The following NDUFAF6 variants were observed in gnomAD, a reference collection of about 807,000 sequenced individuals.
The protein encoded by NDUFAF6 is NADH dehydrogenase (ubiquinone) complex I, assembly factor 6.
In NDUFAF6, 45 loss-of-function variants were observed where a neutral mutation model predicts 40.8. That is an observed-to-expected ratio of 1.10 (90% CI 0.87 to 1.42). The LOEUF is 1.42. NDUFAF6 is among the 40% of genes most tolerant of loss of function. NDUFAF6 has a pLI of 0.00. For synonymous variants in NDUFAF6, 185 were observed against 155.9 expected (o/e 1.19, Z -1.39); for missense variants, 435 against 418.5 (o/e 1.04, Z -0.34).
At chr8:95,011,509 C>T (rs1827226003) in intron 2 of NDUFAF6, among the ~76,000 whole-genome samples, 1 of 152,104 alleles carries the variant, frequency 6.6e-6, no homozygotes, top group African/African-American at 2.4e-5. Flanking sequence ...AATAACTGGG[C>T]ATGGTAAGAA....
chr8:95,096,492 T>C, upstream of NDUFAF6, among the ~76,000 whole-genome samples: 1 of 152,176 alleles, frequency 6.6e-6, no homozygotes, highest in East Asian at 1.9e-4. Flanking sequence ...CCTTAGTTAA[T>C]ACAGCAAGAA....
At chr8:95,110,817 T>C (rs1434465225) in intron 4 of NDUFAF6, among the ~76,000 whole-genome samples, 1 of 152,246 alleles carries the variant, frequency 6.6e-6, no homozygotes, top group African/African-American at 2.4e-5. Context: ...AAGGTGTTAT[T>C]GGATAATGTC....
intron 2 of NDUFAF6, among the ~76,000 whole-genome samples, chr8:94,987,057 T>G (rs1825947789): frequency 6.6e-6 from 1 of 152,258 alleles, no homozygotes; most frequent in Non-Finnish European, 1.5e-5. Context: ...ACTGATATCC[T>G]TGAATCCCCA....
chr8:95,091,805 TA>T (rs1324041367), intron 2 of NDUFAF6, among the ~76,000 whole-genome samples: 1 of 65,344 alleles, frequency 1.5e-5, no homozygotes, highest in East Asian at 1.0e-3. Flanking sequence ...TGCCCCTGGC[TA>T]ATTTTTTTTT....
Position 94,946,696 on chromosome 8 carries a change from C to CAAAAAA in NDUFAF6, c.-799+1096_-799+1101dup, listed in dbSNP as rs71273438. Reference sequence around the variant, plus strand: ...TGGTCAACAGAGTAAGACCCTGTCTCAAAAAAAAAAAAAAAAAAAAAAAAG... The same window carrying CAAAAAA: ...TGGTCAACAGAGTAAGACCCTGTCTCAAAAAAAAAAAAAAAAAAAAAAAAAAAAAAG... On this transcript the variant is annotated intron_variant, in intron 2 of 14. Transcript: ENST00000396113. Among the ~76,000 whole-genome samples, 233 of 34,664 alleles carry CAAAAAA rather than the reference C, an allele frequency of 6.7e-3. 34 individuals are homozygous for CAAAAAA. The highest frequency in any genetic ancestry group is 0.058 in the Middle Eastern group (3 of 52). 22.7% of individuals were successfully genotyped at this position (34,664 alleles called of 152,430 possible). A position where few individuals can be genotyped will look rare whatever the true frequency, so the allele number is the denominator to read the frequency against.
At chr8:95,016,892 C>T (rs539549722) in intron 2 of NDUFAF6, among the ~76,000 whole-genome samples, 188 of 151,030 alleles carry the variant, frequency 1.2e-3, no homozygotes, top group African/African-American at 4.3e-3. Flanking sequence ...GCATCTGGTG[C>T]CTCCTCCTCC....
chr8:94,925,557 T>C (rs1285884620), intron 1 of NDUFAF6, among the ~76,000 whole-genome samples: 1 of 151,320 alleles, frequency 6.6e-6, no homozygotes, highest in Non-Finnish European at 1.5e-5. Flanking sequence ...TCCTTTTTTT[T>C]TTTTTTTTTT....
upstream of NDUFAF6, among the ~76,000 whole-genome samples, chr8:94,957,075 G>A (rs182416346): frequency 3.9e-3 from 587 of 152,268 alleles, 5 homozygotes; most frequent in African/African-American, 0.014. Flanking sequence ...GGGAGGCTGA[G>A]GCAGGAGAAT....
chr8:94,910,966 A>G (rs1818743427), intron 1 of NDUFAF6, among the ~76,000 whole-genome samples: 2 of 152,252 alleles, frequency 1.3e-5, no homozygotes, highest in African/African-American at 2.4e-5. Flanking sequence ...TTCGTAAGTG[A>G]TAAACATTGC....
chr8:95,051,488 G>A (rs1365542777), intron 7 of NDUFAF6, among the ~76,000 whole-genome samples: 1 of 152,152 alleles, frequency 6.6e-6, no homozygotes, highest in East Asian at 1.9e-4. Flanking sequence ...AAGTAAGTCA[G>A]GAAGTAGAGG....
intron 1 of NDUFAF6, among the ~76,000 whole-genome samples, chr8:94,965,130 T>C (rs1823905462): frequency 6.6e-6 from 1 of 152,190 alleles, no homozygotes; most frequent in Admixed American, 6.5e-5. Flanking sequence ...CAGTCGGCCC[T>C]GAGGCTGAGA....
At chr8:94,966,534 C>T (rs868210805) in intron 1 of NDUFAF6, among the ~76,000 whole-genome samples, 9 of 152,150 alleles carry the variant, frequency 5.9e-5, no homozygotes, top group African/African-American at 1.9e-4. Context: ...TTTGAGGCTA[C>T]AGTGAGCTGT....
chr8:95,058,431 T>C lies in NDUFAF6; in HGVS notation c.*494T>C. 8.1e-7 allele frequency: 1 copy of C among 1,232,178 alleles called. No homozygotes were observed. The highest frequency in any genetic ancestry group is 1.0e-6 in the Non-Finnish European group (1 of 988,310). The allele number at this position is 1,232,178 out of a possible 1,614,324, so 76.3% of individuals were successfully genotyped here. On this transcript the variant is annotated 3_prime_UTR_variant, in exon 9 of 9. Transcript: ENST00000396124. ...TTTGAGGAATATCAGTCACGTGTTG[T>C]GGGCTTTTATCCTTAACGTTTAATT...
downstream of NDUFAF6, among the ~76,000 whole-genome samples, chr8:95,116,653 AC>A (rs1471234111): frequency 6.6e-6 from 1 of 152,156 alleles, no homozygotes; most frequent in African/African-American, 2.4e-5. Context: ...GCCCAGCCTA[AC>A]CACATTGAAG....
downstream of NDUFAF6, among the ~76,000 whole-genome samples, chr8:95,105,683 A>G (rs1237852477): frequency 6.6e-6 from 1 of 151,856 alleles, no homozygotes; most frequent in African/African-American, 2.4e-5. Context: ...TTGTATTTTT[A>G]CTAGAGACGG....
chr8:95,098,625 G>A (rs1809549280), upstream of NDUFAF6, among the ~76,000 whole-genome samples: 3 of 152,166 alleles, frequency 2.0e-5, no homozygotes, highest in South Asian at 6.2e-4. Context: ...AGCCGAGATC[G>A]CACCACTGCA....
chr8:95,091,680 C>G (rs190700458), intron 2 of NDUFAF6, among the ~76,000 whole-genome samples: 1 of 151,702 alleles, frequency 6.6e-6, no homozygotes, highest in Non-Finnish European at 1.5e-5. Flanking sequence ...GAGTCCTGCA[C>G]CCATGCTGGA....
At chr8:95,018,205 A>ATTTTTT (rs34118633) in intron 2 of NDUFAF6, among the ~76,000 whole-genome samples, 1 of 145,118 alleles carries the variant, frequency 6.9e-6, no homozygotes, top group Non-Finnish European at 1.5e-5. Flanking sequence ...ATGCTTGGCT[A>ATTTTTT]TTTTTTTTTT....
chr8:94,964,214 G>A (rs1385061362), intron 1 of NDUFAF6, among the ~76,000 whole-genome samples: 1 of 152,158 alleles, frequency 6.6e-6, no homozygotes, highest in African/African-American at 2.4e-5. Flanking sequence ...GACCCCTTGA[G>A]CCTAGGAGTT....
Sources: gnomAD v4.1 joint callset for allele counts (sites outside exome capture counted in the v4.1 genomes callset) on GRCh38, gnomAD v4.1.1 for gene constraint, MANE v1.5 for transcripts, NCBI Gene and HGNC (gene_info 2026-07-23, HGNC 2026-07-21) for gene names.